The following ANKFN1 variants were observed in gnomAD, a reference collection of about 807,000 sequenced individuals.
ANKFN1 encodes ankyrin repeat and fibronectin type-III domain-containing protein 1.
ANKFN1 carries 74 observed loss-of-function variants against 108.7 expected under a neutral mutation model. The observed-to-expected ratio is 0.68, with a 90% confidence interval of 0.56 to 0.83. The LOEUF is 0.83. Ranked by LOEUF, ANKFN1 falls within the 40% of genes least tolerant of loss-of-function variation. The pLI is 0.00. For synonymous variants in ANKFN1, 547 were observed against 516.2 expected (o/e 1.06, Z -0.81); for missense variants, 1,505 against 1,382.3 (o/e 1.09, Z -1.41).
intron 6 of ANKFN1, among the ~76,000 whole-genome samples, chr17:56,363,474 G>C (rs911597234): frequency 3.0e-4 from 45 of 152,242 alleles, no homozygotes; most frequent in East Asian, 1.9e-4. Context: ...CTGTTAGTGG[G>C]GATGTAAATT....
At chr17:56,280,312 C>G (rs947413570) in intron 3 of ANKFN1, among the ~76,000 whole-genome samples, 11 of 152,140 alleles carry the variant, frequency 7.2e-5, no homozygotes, top group Non-Finnish European at 8.8e-5. Context: ...AGGGCAGCAT[C>G]CAATCCACTG....
chr17:56,263,932 C>G (rs946804906), intron 3 of ANKFN1, among the ~76,000 whole-genome samples: 1 of 152,182 alleles, frequency 6.6e-6, no homozygotes, highest in Non-Finnish European at 1.5e-5. Context: ...AGTCTGACCT[C>G]TGAGGCTGCC....
intron 4 of ANKFN1, among the ~76,000 whole-genome samples, chr17:56,138,954 G>C (rs1331680958): frequency 1.3e-5 from 2 of 152,042 alleles, no homozygotes; most frequent in African/African-American, 2.4e-5. Flanking sequence ...TTTAGGCCTT[G>C]GAAAGTTTTA....
intron 3 of ANKFN1, among the ~76,000 whole-genome samples, chr17:56,230,762 T>G (rs1916676434): frequency 6.6e-6 from 1 of 152,100 alleles, no homozygotes; most frequent in Non-Finnish European, 1.5e-5. Flanking sequence ...CAATTGCTTT[T>G]TAAGAGGCTT....
intron 3 of ANKFN1, among the ~76,000 whole-genome samples, chr17:56,295,042 T>A (rs2044467827): frequency 6.6e-6 from 1 of 152,226 alleles, no homozygotes; most frequent in African/African-American, 2.4e-5. Flanking sequence ...GAAGCCAATA[T>A]CTTTTCCCAT....
intron 4 of ANKFN1, among the ~76,000 whole-genome samples, chr17:56,085,180 C>CATATATATATATATATATAT (rs10572105): frequency 1.1e-3 from 154 of 137,692 alleles, no homozygotes; most frequent in African/African-American, 3.9e-3. Context: ...CCCTCCAAAG[C>CATATATATATATATATATAT]ATATATATAT....
chr17:56,174,448 T>A lies in ANKFN1; in HGVS notation c.-71+20918T>A, dbSNP rs1055199181. 9.2e-6 allele frequency: 9 copies of A among 978,806 alleles called. No individual in the cohort carries two copies. The African/African-American group carries it at 1.6e-4, about 17-fold the overall frequency. The allele number at this position is 978,806 out of a possible 1,614,324, so 60.6% of individuals were successfully genotyped here. On this transcript the variant is annotated intron_variant, in intron 1 of 20. Coordinates refer to ENST00000682825, the MANE Select transcript of ANKFN1 (RefSeq NM_001370326.1). Reference sequence around the variant, plus strand: ...GCAGTGATCTTTTTAGTGAATTGCTTGAGGGTTCTCTGGCTAGACCTGGTG... The same window carrying A: ...GCAGTGATCTTTTTAGTGAATTGCTAGAGGGTTCTCTGGCTAGACCTGGTG...
At chr17:56,165,207 C>T (rs980705232) in intron 1 of ANKFN1, among the ~76,000 whole-genome samples, 6 of 152,264 alleles carry the variant, frequency 3.9e-5, no homozygotes, top group South Asian at 4.1e-4. Context: ...TTTAGGGTCA[C>T]GTAGGACCTG....
rs1276769118 is a variant in ANKFN1, at chr17:56,057,137, T to TAAATCA, written c.288+10812_288+10813insAAATCA. 3.3e-5 allele frequency among the ~76,000 whole-genome samples: 5 copies of TAAATCA among 152,238 alleles called. No homozygotes were observed. In the East Asian group the frequency reaches 9.6e-4, roughly 29 times the overall value. ...CATCTACTCAAGATTTATCATGAGA[T>TAAATCA]TGCAGCAATTCAGTCACACCTTTAG... On this transcript the variant is annotated intron_variant, in intron 4 of 12. Coordinates refer to the ANKFN1 transcript ENST00000635860.
chr17:56,462,383 T>G (rs1472358526), intron 14 of ANKFN1, among the ~76,000 whole-genome samples: 1 of 152,152 alleles, frequency 6.6e-6, no homozygotes, highest in Non-Finnish European at 1.5e-5. Context: ...TCACCTGTGG[T>G]CGGGAGTTCG....
intron 3 of ANKFN1, among the ~76,000 whole-genome samples, chr17:56,262,817 G>C (rs1347576683): frequency 6.6e-6 from 1 of 151,166 alleles, no homozygotes; most frequent in Non-Finnish European, 1.5e-5. Context: ...CCCTCACAGA[G>C]CAGTAACACA....
chr17:56,418,231 G>C (rs2048298658), intron 8 of ANKFN1, among the ~76,000 whole-genome samples: 1 of 152,068 alleles, frequency 6.6e-6, no homozygotes, highest in Non-Finnish European at 1.5e-5. Flanking sequence ...TTTGTTATTT[G>C]GTAAGGAATT....
At chr17:56,401,368 A>ATTGTATTGTATTGTATTGTG (rs55888620) in intron 8 of ANKFN1, among the ~76,000 whole-genome samples, 42 of 135,636 alleles carry the variant, frequency 3.1e-4, no homozygotes, top group African/African-American at 1.1e-3. Flanking sequence ...ATTGTATTGT[A>ATTGTATTGTATTGTATTGTG]TTGTGTTGTG....
intron 1 of ANKFN1, among the ~76,000 whole-genome samples, chr17:56,164,722 G>A (rs1452566815): frequency 6.6e-6 from 1 of 152,132 alleles, no homozygotes; most frequent in East Asian, 1.9e-4. Context: ...TATTCTTGGG[G>A]CCTCTTATCA....
intron 4 of ANKFN1, among the ~76,000 whole-genome samples, chr17:56,103,899 T>G (rs1905694253): frequency 6.6e-6 from 1 of 152,206 alleles, no homozygotes; most frequent in Admixed American, 6.5e-5. Context: ...CTGTGGGACT[T>G]CACCAGGTAC....
chr17:56,061,272 T>TC lies in ANKFN1; in HGVS notation c.288+14947_288+14948insC, dbSNP rs1555589370. 3.2e-5 allele frequency among the ~76,000 whole-genome samples: 4 copies of TC among 124,376 alleles called. No individual in the cohort carries two copies. The East Asian group carries it at 8.4e-4, about 26-fold the overall frequency. The allele number at this position is 124,376 out of a possible 152,430, so 81.6% of individuals were successfully genotyped here. On this transcript the variant is annotated intron_variant, in intron 4 of 12. Transcript: ENST00000635860. ...TCTCTGATGGTAGTTTTTCTTTTTT[T>TC]TTTTTTTTTTTTTTTTGAGATGGAG...
chr17:56,489,479 C>T (rs2050961767), intron 18 of ANKFN1, among the ~76,000 whole-genome samples: 1 of 146,938 alleles, frequency 6.8e-6, no homozygotes, highest in Non-Finnish European at 1.5e-5. Context: ...ACCACAAGAG[C>T]GGGGAAACTG....
At chr17:56,470,542 C>G (rs893677239) in intron 15 of ANKFN1, among the ~76,000 whole-genome samples, 7 of 152,180 alleles carry the variant, frequency 4.6e-5, no homozygotes, top group African/African-American at 1.2e-4. Context: ...ACCCAGTCCA[C>G]AGAGACCTCT....
At chr17:56,322,084 G>A (rs2045386023) in intron 3 of ANKFN1, among the ~76,000 whole-genome samples, 1 of 152,024 alleles carries the variant, frequency 6.6e-6, no homozygotes, top group African/African-American at 2.4e-5. Flanking sequence ...TGAATGTCTA[G>A]GCACATTGAC....
Sources: allele counts gnomAD v4.1 joint callset (sites outside exome capture counted in the v4.1 genomes callset), GRCh38; gene constraint gnomAD v4.1.1; transcripts MANE v1.5; gene names NCBI Gene and HGNC (gene_info 2026-07-23, HGNC 2026-07-21).